Variants in STK25 observed in about 807,000 individuals in gnomAD.
STK25 encodes serine/threonine-protein kinase 25.
Under a neutral mutation model 53.8 loss-of-function variants are expected in STK25, and 29 were observed. The ratio of observed to expected loss-of-function variants is 0.54; its 90% CI spans 0.40 to 0.74. The LOEUF (loss-of-function observed/expected upper bound fraction) is 0.74. STK25 is among the 30% of genes least tolerant of loss of function. The pLI is 0.00. For synonymous variants in STK25, 247 were observed against 238.3 expected (o/e 1.04, Z -0.33); for missense variants, 420 against 568.0 (o/e 0.74, Z 2.65).
chr2:241,507,795 G>A (rs35644089), intron 2 of STK25, among the ~76,000 whole-genome samples: 3 of 152,198 alleles, frequency 2.0e-5, no homozygotes, highest in Admixed American at 2.0e-4. Context: ...AGAGGCCTGC[G>A]AGCTTCTGCC....
chr2:241,492,882 G>C lies in STK25; in HGVS notation c.*2780C>G. The C allele has an allele frequency of 1.8e-6, 2 of 1,100,076 alleles. No individual in the cohort carries two copies. The highest frequency in any genetic ancestry group is 2.8e-6 in the Non-Finnish European group (2 of 713,250). The allele number at this position is 1,100,076 out of a possible 1,614,324, so 68.1% of individuals were successfully genotyped here. A position where few individuals can be genotyped will look rare whatever the true frequency, so the allele number is the denominator to read the frequency against. On this transcript the variant is annotated 3_prime_UTR_variant, in exon 12 of 12. Transcript: ENST00000316586. ...GGGGAGCAAACCCACTCCCACAAGG[G>C]GTCCTGGGTGCTGGTTAATGCACCT...
In STK25 at chr2:241,493,376, T is replaced by C. The variant is rs761161320; in HGVS notation, c.*2286A>G. ...AGGCCGATGGCATACACAAAGACTA[T>C]GTTTTCAAGCTCCAGTTCAAATCCC... On this transcript the variant is annotated 3_prime_UTR_variant, in exon 12 of 12. Transcript: ENST00000316586. 7 of 1,613,852 alleles carry C rather than the reference T, an allele frequency of 4.3e-6. No individual in the cohort carries two copies. In the African/African-American group the frequency reaches 8.0e-5, roughly 18 times the overall value.
rs1323440831 is a variant in STK25, at chr2:241,493,255, C to G, written c.*2407G>C. On this transcript the variant is annotated 3_prime_UTR_variant, in exon 12 of 12. Transcript: ENST00000316586. ...AGGAATGGGCATTCCCTGTGGCAAC[C>G]CAGCCCCTGGAACCCGTGTCCCTAT... The G allele has an allele frequency of 6.2e-7, 1 of 1,605,514 alleles. No homozygotes were observed. The highest frequency in any genetic ancestry group is 8.5e-7 in the Non-Finnish European group (1 of 1,174,246).
chr2:241,509,385 C>G (rs1228775568), upstream of STK25: 2 of 152,282 alleles, frequency 1.3e-5, no homozygotes, highest in Non-Finnish European at 2.9e-5. Flanking sequence ...CTGGTGCGTC[C>G]CCGTGCCCCG....
At chr2:241,507,435 C>T (rs1332981644) in intron 2 of STK25, among the ~76,000 whole-genome samples, 1 of 152,240 alleles carries the variant, frequency 6.6e-6, no homozygotes, top group Non-Finnish European at 1.5e-5. Context: ...CCGCCCGTCG[C>T]AGGGGTTAAA....
rs1390323051 is a variant in STK25 at position 241,501,837 on chromosome 2, T to A, written c.31-129A>T. On this transcript the variant is annotated intron_variant, in intron 2 of 11. Transcript: ENST00000316586. This position sits in a 1 kb window ranked among gnomAD's most constrained non-coding sequence, Gnocchi z 5.3. ...GGGAGTCCAAGGGAGCGCACCTCAA[T>A]TCTTCTCTGGTTTCTTCCTTTCTCC... is the stretch of plus-strand genomic sequence containing the variant. 1.5e-6 allele frequency: 1 copy of A among 648,028 alleles called. No individual in the cohort carries two copies. The highest frequency in any genetic ancestry group is 1.8e-5 in the African/African-American group (1 of 55,036). 40.1% of individuals were successfully genotyped at this position (648,028 alleles called of 1,614,324 possible).
Position 241,492,923 on chromosome 2 carries a change from T to C in STK25, c.*2739A>G. 1 of 1,581,712 alleles carries C rather than the reference T, an allele frequency of 6.3e-7. No individual in the cohort carries two copies. Among genetic ancestry groups the C allele is most frequent in the Non-Finnish European group, 8.7e-7 (1 of 1,150,542 alleles). Reference sequence around the variant, plus strand: ...TAATGCACCTGCATTTTTCCTTTATTGACAGAACCAGCTTTCAGGATATCT... The same window carrying C: ...TAATGCACCTGCATTTTTCCTTTATCGACAGAACCAGCTTTCAGGATATCT... On this transcript the variant is annotated 3_prime_UTR_variant, in exon 12 of 12. Transcript: ENST00000316586.
Position 241,499,383 on chromosome 2 carries a change from G to A in STK25, c.459C>T (p.Asp153=), listed in dbSNP as rs368220491. The A allele has an allele frequency of 7.4e-6, 12 of 1,613,750 alleles. No individual in the cohort carries two copies. The highest frequency in any genetic ancestry group is 1.6e-4 in the Middle Eastern group (1 of 6,084). Residue 153 remains aspartate (D), a synonymous_variant, in exon 6 of 12, where the codon GAC becomes GAT. Coordinates refer to ENST00000316586, the MANE Select transcript of STK25 (RefSeq NM_001271977.2). ...AANVLLSEQG[D]VKLADFGVAG... Reference sequence around the variant, plus strand: ...CTACCCCAAAGTCCGCCAGCTTCACGTCACCCTGCTCCGAGAGTAGCACGT... The same window carrying A: ...CTACCCCAAAGTCCGCCAGCTTCACATCACCCTGCTCCGAGAGTAGCACGT...
At position 241,508,227 on chromosome 2, in the gene STK25, G is replaced by A. The variant is rs1227630334; in HGVS notation, c.-100-92C>T. On this transcript the variant is annotated intron_variant, in intron 1 of 11. Transcript: ENST00000316586. ...GGCTCCATGGGTGGGGGGGGGCCCA[G>A]GAGACCCCCCAGGCCGCCGGGGCCC... The A allele has an allele frequency of 7.5e-6, 10 of 1,330,730 alleles. No homozygotes were observed. In the East Asian group the frequency reaches 3.1e-4, roughly 42 times the overall value. The allele number at this position is 1,330,730 out of a possible 1,614,324, so 82.4% of individuals were successfully genotyped here.
At chr2:241,500,464 T>C (rs769916034) in intron 4 of STK25, among the ~76,000 whole-genome samples, 183 bp from the exon 5 acceptor site, 71 of 152,022 alleles carry the variant, frequency 4.7e-4, no homozygotes, top group Non-Finnish European at 7.9e-4. Flanking sequence ...TTCTAAAGCA[T>C]ATAAACCAGC....
At position 241,498,263 on chromosome 2, in the gene STK25, T is replaced by G. The variant is rs770027770; in HGVS notation, c.1004A>C (p.Lys335Thr). 6.2e-7 allele frequency: 1 copy of G among 1,612,114 alleles called. No homozygotes were observed. The highest frequency in any genetic ancestry group is 1.7e-5 in the Admixed American group (1 of 59,974). ...IRPSPHSKLH[K>T]GTALHSSQKP... The stretch of plus-strand genomic sequence containing the variant: ...CTGTGAACTGTGCAGGGCCGTCCCC[T>G]TGTGAAGCTTGCTGTGTGGACTCGG... The change falls in exon 9 of 12, where the codon AAG becomes ACG. Residue 335 changes from lysine to threonine, a missense_variant. Transcript: ENST00000316586.
rs551147088 is a variant in STK25, at chr2:241,498,586, A to C, written c.917+53T>G. ...CCACGCCCCTGCTTCTGGAGTGGGG[A>C]CCACCCACGTCACAGCACCTAGGGT... On this transcript the variant is annotated intron_variant, in intron 8 of 11. Coordinates refer to ENST00000316586, the MANE Select transcript of STK25 (RefSeq NM_001271977.2). The C allele has an allele frequency of 1.1e-5, 17 of 1,568,578 alleles. No homozygotes were observed. The Admixed American group carries it at 3.1e-4, about 29-fold the overall frequency.
chr2:241,498,237 T>C lies in STK25; in HGVS notation c.1030A>G (p.Lys344Glu). ...CAAAGGCCAGGCCAGGAACAGACCT[T>C]CTGTGAACTGTGCAGGGCCGTCCCC... ...HKGTALHSSQ[K>E]PAEPVKRQPR... The change falls in exon 9 of 12, where the codon AAG becomes GAG. Residue 344 changes from lysine to glutamate, a missense_variant and splice_region_variant. Coordinates refer to ENST00000316586, the MANE Select transcript of STK25 (RefSeq NM_001271977.2). 3 of 1,613,258 alleles carry C rather than the reference T, an allele frequency of 1.9e-6. No homozygotes were observed. The highest frequency in any genetic ancestry group is 8.5e-7 in the Non-Finnish European group (1 of 1,179,514).
At chr2:241,503,360 C>T (rs535551843) in intron 2 of STK25, among the ~76,000 whole-genome samples, 5 of 152,016 alleles carry the variant, frequency 3.3e-5, no homozygotes, top group African/African-American at 9.6e-5. Flanking sequence ...CCACCACGCA[C>T]GGCCCCTCCC....
Position 241,494,073 on chromosome 2 carries a change from GC to G in STK25, c.*1588del. 2.1e-6 allele frequency: 3 copies of G among 1,445,468 alleles called. No homozygotes were observed. The highest frequency in any genetic ancestry group is 1.7e-5 in the South Asian group (1 of 59,800). 89.5% of individuals were successfully genotyped at this position (1,445,468 alleles called of 1,614,324 possible). ...AGGGCCCCAAGCATCGTGCAGGATGGCCCCCAACCCTCCTCAGGGCTGGAGG... is the reference window on the plus strand; with the variant it reads ...AGGGCCCCAAGCATCGTGCAGGATGGCCCCAACCCTCCTCAGGGCTGGAGG... On this transcript the variant is annotated 3_prime_UTR_variant, in exon 12 of 12. Coordinates refer to ENST00000316586, the MANE Select transcript of STK25 (RefSeq NM_001271977.2). This position sits in a 1 kb window ranked among gnomAD's most constrained non-coding sequence, Gnocchi z 4.9.
Position 241,501,895 on chromosome 2 carries a change from T to C in STK25, c.31-187A>G, listed in dbSNP as rs2124981636. On this transcript the variant is annotated intron_variant, in intron 2 of 11. Coordinates refer to ENST00000316586, the MANE Select transcript of STK25 (RefSeq NM_001271977.2). The surrounding 1 kb of genome is among the most constrained non-coding windows in gnomAD (Gnocchi z 5.3). The stretch of plus-strand genomic sequence containing the variant: ...TTCAAAAACTAAACTTGGCCGGGCG[T>C]GGTGGCTCACGCCTGTAATTCTAGC... 4 of 570,880 alleles carry C rather than the reference T, an allele frequency of 7.0e-6. No homozygotes were observed. Among genetic ancestry groups the C allele is most frequent in the South Asian group, 4.1e-5 (2 of 49,286 alleles). 35.4% of individuals were successfully genotyped at this position (570,880 alleles called of 1,614,324 possible). A position where few individuals can be genotyped will look rare whatever the true frequency, so the allele number is the denominator to read the frequency against.
Position 241,498,894 on chromosome 2 carries a change from G to C in STK25, c.771+95C>G, listed in dbSNP as rs768316891. On this transcript the variant is annotated intron_variant, in intron 7 of 11. Transcript: ENST00000316586. ...GCGGGCCCTCACAGCTACAAGGCTG[G>C]TGGGCCTGGGCCTCCGGGCTGTGCC... The C allele has an allele frequency of 6.2e-6, 10 of 1,607,932 alleles. No homozygotes were observed. The Admixed American group carries it at 1.7e-4, about 27-fold the overall frequency.
rs904676575 is a variant in STK25 at position 241,499,100 on chromosome 2, G to T, written c.660C>A (p.Pro220=). The change falls in exon 7 of 12, where the codon CCC becomes CCA. Residue 220 remains proline (P), a synonymous_variant. Coordinates refer to ENST00000316586, the MANE Select transcript of STK25 (RefSeq NM_001271977.2). ...KGEPPNSDLH[P]MRVLFLIPKN... ...TGGGAATCAGGAACAGGACGCGCAT[G>T]GGGTGGAGGTCAGAGTTTGGAGGCT... The T allele has an allele frequency of 1.4e-5, 23 of 1,614,100 alleles. No homozygotes were observed. Among genetic ancestry groups the T allele is most frequent in the Non-Finnish European group, 1.9e-5 (23 of 1,179,988 alleles).
rs1347360463 is a variant in STK25, at chr2:241,494,215, G to A, written c.*1447C>T. 9.3e-6 allele frequency: 7 copies of A among 752,580 alleles called. No homozygotes were observed. The highest frequency in any genetic ancestry group is 7.3e-5 in the African/African-American group (4 of 54,904). 46.6% of individuals were successfully genotyped at this position (752,580 alleles called of 1,614,324 possible). A position where few individuals can be genotyped will look rare whatever the true frequency, so the allele number is the denominator to read the frequency against. ...CCTGAGGCTTCTCAACAGATGGGAA[G>A]TGGCTGTGGTCTCACTGGATCCCCA... On this transcript the variant is annotated 3_prime_UTR_variant, in exon 12 of 12. Transcript: ENST00000316586. This position sits in a 1 kb window ranked among gnomAD's most constrained non-coding sequence, Gnocchi z 4.9.
Sources: allele counts gnomAD v4.1 joint callset (sites outside exome capture counted in the v4.1 genomes callset), GRCh38; gene constraint gnomAD v4.1.1; non-coding constraint Gnocchi (gnomAD v3.1); transcripts MANE v1.5; gene names NCBI Gene and HGNC (gene_info 2026-07-23, HGNC 2026-07-21).